The following C14orf39 variants were observed in gnomAD, a reference collection of about 807,000 sequenced individuals.
The protein encoded by C14orf39 is protein SIX6OS1.
In C14orf39, 66 loss-of-function variants were observed where a neutral mutation model predicts 85.6. The observed-to-expected ratio is 0.77, with a 90% CI of 0.63 to 0.95. C14orf39 has a LOEUF of 0.95. Among genes scored for constraint, C14orf39 ranks in the 40% least tolerant of loss-of-function variants. The probability of loss-of-function intolerance (pLI) is 0.00; values close to 1 mark genes in which losing one functional copy is unlikely to be tolerated. For synonymous variants in C14orf39, 242 were observed against 214.0 expected (o/e 1.13, Z -1.14); for missense variants, 735 against 663.9 (o/e 1.11, Z -1.18).
intron 16 of C14orf39, among the ~76,000 whole-genome samples, chr14:60,448,051 A>G (rs1469654452): frequency 1.3e-5 from 2 of 152,250 alleles, no homozygotes; most frequent in Non-Finnish European, 2.9e-5. Flanking sequence ...CTCAAGATGG[A>G]TTAAAGACTT....
intron 9 of C14orf39, among the ~76,000 whole-genome samples, chr14:60,468,187 T>C (rs1170028305): frequency 6.6e-6 from 1 of 151,788 alleles, no homozygotes; most frequent in African/African-American, 2.4e-5. Flanking sequence ...ACTGACAGGT[T>C]CTAGAACAGC....
chr14:60,499,833 A>G (rs1374090460), intron 1 of C14orf39, among the ~76,000 whole-genome samples: 2 of 152,252 alleles, frequency 1.3e-5, no homozygotes, highest in Non-Finnish European at 2.9e-5. Context: ...ATTTTGAAAG[A>G]ACAAACATCC....
intron 1 of C14orf39, among the ~76,000 whole-genome samples, chr14:60,502,258 C>G (rs979898534): frequency 6.6e-6 from 1 of 151,906 alleles, no homozygotes; most frequent in African/African-American, 2.4e-5. Flanking sequence ...AGGTCCTCAG[C>G]AATGGGGAAT....
In C14orf39 at chr14:60,483,756, A is replaced by C; in HGVS notation, c.168T>G (p.Asn56Lys). 1.9e-6 allele frequency: 3 copies of C among 1,584,452 alleles called. No homozygotes were observed. Among genetic ancestry groups the C allele is most frequent in the Non-Finnish European group, 2.6e-6 (3 of 1,155,498 alleles). Residue 56 changes from asparagine to lysine, a missense_variant, in exon 4 of 18, where the codon AAT (asparagine) becomes AAG (lysine). Asn to Lys is a moderately conservative substitution (Grantham distance 94, BLOSUM62 0). Transcript: ENST00000321731. The part of the protein sequence containing the change: ...VTICRIHETI[N>K]ATDEEIDHYC... ...AATGATCAATTTCCTCATCTGTTGC[A>C]TTTATAGTTTCGTGTATCCTACAAA... is the stretch of plus-strand genomic sequence containing the variant.
At chr14:60,497,388 A>AATTTTCCAT (rs11282738) in intron 2 of C14orf39, among the ~76,000 whole-genome samples, 1 of 151,382 alleles carries the variant, frequency 6.6e-6, no homozygotes, top group Admixed American at 6.6e-5. Context: ...GTACAGGCCC[A>AATTTTCCAT]ATGCACACAC....
chr14:60,441,193 G>C (rs1469814533), intron 17 of C14orf39, among the ~76,000 whole-genome samples: 3 of 152,112 alleles, frequency 2.0e-5, no homozygotes, highest in Non-Finnish European at 4.4e-5. Flanking sequence ...CTGAATTAGA[G>C]GAGCTATGAG....
At chr14:60,488,984 G>A (rs1892944929), upstream of C14orf39, among the ~76,000 whole-genome samples, 1 of 151,890 alleles carries the variant, frequency 6.6e-6, no homozygotes, top group East Asian at 1.9e-4. Flanking sequence ...CCATCACCAT[G>A]GACTCTAACC....
At chr14:60,504,219 A>C (rs1281417255) in intron 1 of C14orf39, among the ~76,000 whole-genome samples, 1 of 152,260 alleles carries the variant, frequency 6.6e-6, no homozygotes, top group Non-Finnish European at 1.5e-5. Flanking sequence ...ATATTTAATA[A>C]GCACTTTTTG....
intron 2 of C14orf39, chr14:60,494,867 G>C (rs1485098728): frequency 6.5e-6 from 1 of 153,624 alleles, no homozygotes; most frequent in East Asian, 1.9e-4. Flanking sequence ...GGAGCATCTT[G>C]GCAGCTGACC....
intron 16 of C14orf39, among the ~76,000 whole-genome samples, chr14:60,443,062 G>A (rs867313481): frequency 2.6e-5 from 4 of 151,468 alleles, no homozygotes; most frequent in Non-Finnish European, 5.9e-5. Flanking sequence ...CTTCCAAGAT[G>A]GCCAAATAGG....
intron 1 of C14orf39, chr14:60,510,105 G>A (rs1281984632): frequency 6.3e-6 from 5 of 797,318 alleles, no homozygotes; most frequent in Non-Finnish European, 1.0e-5. Context: ...TGGGTTAAGA[G>A]CCCTGCGTTC....
intron 16 of C14orf39, among the ~76,000 whole-genome samples, chr14:60,448,403 T>G (rs924532673): frequency 6.6e-6 from 1 of 152,136 alleles, no homozygotes; most frequent in Non-Finnish European, 1.5e-5. Flanking sequence ...AAGCAGACAT[T>G]TATGCAGCCA....
chr14:60,439,902 C>T (rs1385558619), intron 17 of C14orf39, among the ~76,000 whole-genome samples: 2 of 152,104 alleles, frequency 1.3e-5, no homozygotes, highest in East Asian at 1.9e-4. Context: ...AGTGAGACCC[C>T]GTCTCTACTA....
intron 1 of C14orf39, chr14:60,511,703 T>C (rs1404905170): frequency 4.1e-6 from 1 of 246,644 alleles, no homozygotes; most frequent in Non-Finnish European, 8.0e-6. Context: ...GGTTTCTCTG[T>C]AGCTTGGGGA....
At chr14:60,481,058 T>C (rs182467921) in intron 4 of C14orf39, among the ~76,000 whole-genome samples, 10 of 152,298 alleles carry the variant, frequency 6.6e-5, no homozygotes, top group Admixed American at 4.6e-4. Flanking sequence ...GTATAGTGAC[T>C]ACAGTTAAAT....
At chr14:60,509,256 G>A in intron 1 of C14orf39, 3 of 728,412 alleles carry the variant, frequency 4.1e-6, no homozygotes, top group East Asian at 2.7e-5. Context: ...CGGCCGTTGA[G>A]CCACCGCCGC....
chr14:60,437,613 A>C (rs1282988072), intron 17 of C14orf39, among the ~76,000 whole-genome samples: 1 of 152,022 alleles, frequency 6.6e-6, no homozygotes, highest in Non-Finnish European at 1.5e-5. Context: ...CTGGAACAGG[A>C]GAGTCTAGAA....
intron 9 of C14orf39, among the ~76,000 whole-genome samples, chr14:60,467,343 A>T (rs1248883452): frequency 2.0e-5 from 3 of 151,876 alleles, no homozygotes; most frequent in Non-Finnish European, 4.4e-5. Flanking sequence ...TTTTAAGCCA[A>T]AACTTGTAAC....
chr14:60,496,055 T>C, intron 2 of C14orf39: 1 of 774,882 alleles, frequency 1.3e-6, no homozygotes, highest in Non-Finnish European at 2.1e-6. Flanking sequence ...GCTTGGCTTG[T>C]TTCAAGGCAT....
Sources: gnomAD v4.1 joint callset for allele counts (sites outside exome capture counted in the v4.1 genomes callset) on GRCh38, gnomAD v4.1.1 for gene constraint, MANE v1.5 for transcripts, NCBI Gene and HGNC (gene_info 2026-07-23, HGNC 2026-07-21) for gene names.